EXOC3: variants seen among roughly 807,000 people sequenced by gnomAD.
The protein encoded by EXOC3 is exocyst complex component 3, also known as SEC6-like 1.
Under a neutral mutation model 73.7 loss-of-function variants are expected in EXOC3, and 21 were observed. That is an observed-to-expected ratio of 0.29 (90% CI 0.20 to 0.41). The LOEUF is 0.41. Among genes scored for constraint, EXOC3 ranks in the 10% least tolerant of loss-of-function variants. The pLI, the probability that EXOC3 is intolerant of heterozygous loss-of-function variation, is 1.00. For missense variants in EXOC3, 842 were observed against 985.1 expected (o/e 0.85, Z 1.95); for synonymous variants, 410 against 389.1 (o/e 1.05, Z -0.63).
rs1737380067 is a variant in EXOC3 at position 443,217 on chromosome 5, AGGGGGCGGCGGGGGCGGCGGC to A, written c.-127_-107del. The A allele has an allele frequency of 7.4e-6, 1 of 134,736 alleles. No individual in the cohort carries two copies. Among genetic ancestry groups the A allele is most frequent in the African/African-American group, 2.6e-5 (1 of 38,924 alleles). The allele number at this position is 134,736 out of a possible 1,614,324, so 8.3% of individuals were successfully genotyped here. On this transcript the variant is annotated 5_prime_UTR_variant, in exon 1 of 13. Coordinates refer to ENST00000512944, the MANE Select transcript of EXOC3 (RefSeq NM_007277.5). ...CCGGAGGCGGAGGCAGCGAAGGCGGAGGGGGCGGCGGGGGCGGCGGCGGCGGCGGCGGCGGCGGCGGCGGCG... is the reference window on the plus strand; with the variant it reads ...CCGGAGGCGGAGGCAGCGAAGGCGGAGGCGGCGGCGGCGGCGGCGGCGGCG...
At chr5:455,160 G>A (rs1288032130) in intron 4 of EXOC3, among the ~76,000 whole-genome samples, 1 of 152,178 alleles carries the variant, frequency 6.6e-6, no homozygotes, top group Non-Finnish European at 1.5e-5. Flanking sequence ...CTCCCCCTCC[G>A]TGCCTGGTGT....
In EXOC3 at chr5:464,826, C is replaced by G. The variant is rs1378988054; in HGVS notation, c.1777-285C>G. On this transcript the variant is annotated intron_variant, in intron 10 of 12. Coordinates refer to ENST00000512944, the MANE Select transcript of EXOC3 (RefSeq NM_007277.5). ...CAAAGGACAGCAGCAGCCACTGACA[C>G]GGGCCTGTCTGTGGACCGAGTGCTC... 6 of 509,166 alleles carry G rather than the reference C, an allele frequency of 1.2e-5. No homozygotes were observed. The Admixed American group carries it at 1.5e-4, about 12-fold the overall frequency. The allele number at this position is 509,166 out of a possible 1,614,324, so 31.5% of individuals were successfully genotyped here.
At chr5:456,430 GT>G (rs1737816127) in intron 4 of EXOC3, among the ~76,000 whole-genome samples, 1 of 152,176 alleles carries the variant, frequency 6.6e-6, no homozygotes, top group African/African-American at 2.4e-5. Flanking sequence ...GACTGAGTAC[GT>G]TTGTTTATTC....
chr5:465,632 T>C (rs1738124341), intron 11 of EXOC3, 86 bp from the exon 12 acceptor site: 2 of 1,544,838 alleles, frequency 1.3e-6, no homozygotes, highest in Admixed American at 3.5e-5. Flanking sequence ...AGGTTCCCAG[T>C]CAGGAAGGGG....
At chr5:463,572 T>A (rs1222986275) in intron 9 of EXOC3, among the ~76,000 whole-genome samples, 1 of 152,216 alleles carries the variant, frequency 6.6e-6, no homozygotes, top group Non-Finnish European at 1.5e-5. Context: ...TGGGTTGGGT[T>A]TTTGAGGGCA....
chr5:446,313 A>G lies in EXOC3; in HGVS notation c.108A>G (p.Glu36=). The change falls in exon 2 of 13, where the codon GAA becomes GAG. Residue 36 remains glutamate, a synonymous_variant. Coordinates refer to ENST00000512944, the MANE Select transcript of EXOC3 (RefSeq NM_007277.5). ...LDKVEQYRRR[E]ARKKASVEAR... ...AGGTGGAGCAGTATCGCAGGAGAGAAGCGCGGAAGAAGGCCTCCGTGGAGG... is the reference window on the plus strand; with the variant it reads ...AGGTGGAGCAGTATCGCAGGAGAGAGGCGCGGAAGAAGGCCTCCGTGGAGG... 6.2e-7 allele frequency: 1 copy of G among 1,610,902 alleles called. No individual in the cohort carries two copies. Among genetic ancestry groups the G allele is most frequent in the Non-Finnish European group, 8.5e-7 (1 of 1,177,928 alleles).
At chr5:446,804 C>T (rs1269218741) in intron 2 of EXOC3, among the ~76,000 whole-genome samples, 1 of 151,926 alleles carries the variant, frequency 6.6e-6, no homozygotes, top group African/African-American at 2.4e-5. Flanking sequence ...TTGCGGTGAG[C>T]CGAGATGGTG....
At position 466,909 on chromosome 5, in the gene EXOC3, C is replaced by T. The variant is rs1370988535; in HGVS notation, c.*11C>T. ...AAGCTGCTCAAGTAGCCTCCGCCGG[C>T]CTGCCCTGCTCGCCCCTCCACAGCC... On this transcript the variant is annotated 3_prime_UTR_variant, in exon 13 of 13. Coordinates refer to ENST00000512944, the MANE Select transcript of EXOC3 (RefSeq NM_007277.5). The T allele has an allele frequency of 5.0e-6, 8 of 1,588,378 alleles. No homozygotes were observed. The Admixed American group carries it at 1.2e-4, about 25-fold the overall frequency.
Position 458,009 on chromosome 5 carries a change from C to T in EXOC3, c.1274C>T (p.Pro425Leu). Residue 425 changes from proline to leucine, a missense_variant, in exon 6 of 13, where the codon CCT (proline) becomes CTT (leucine). Coordinates refer to ENST00000512944, the MANE Select transcript of EXOC3 (RefSeq NM_007277.5). ...GACGGGTACTACCAGACCACACTCC[C>T]TGCCATTGTCTTCCAGGTACCACCT... ...DQDGYYQTTL[P>L]AIVFQMFEQN... The T allele has an allele frequency of 6.2e-7, 1 of 1,612,558 alleles. No individual in the cohort carries two copies. Among genetic ancestry groups the T allele is most frequent in the South Asian group, 1.1e-5 (1 of 90,698 alleles).
chr5:447,459 G>C (rs1488799476), intron 2 of EXOC3, 74 bp from the exon 3 acceptor site: 1 of 1,108,120 alleles, frequency 9.0e-7, no homozygotes, highest in Admixed American at 2.8e-5. Context: ...GACCCTCCTG[G>C]GGAAGATTTG....
At chr5:465,077 T>TG (rs1046108101) in intron 10 of EXOC3, 34 bp from the exon 11 acceptor site, 1 of 1,518,212 alleles carries the variant, frequency 6.6e-7, no homozygotes, top group Admixed American at 2.1e-5. Context: ...GCCAGAGCCG[T>TG]GGAGCCTGCC....
At chr5:455,184 A>AT (rs1310464463) in intron 4 of EXOC3, among the ~76,000 whole-genome samples, 1 of 152,210 alleles carries the variant, frequency 6.6e-6, no homozygotes, top group Non-Finnish European at 1.5e-5. Context: ...TCAGCAGCCC[A>AT]TGAGGCAGGA....
chr5:459,201 A>G (rs1412316162), intron 6 of EXOC3, among the ~76,000 whole-genome samples, 158 bp from the exon 7 acceptor site: 4 of 145,430 alleles, frequency 2.8e-5, no homozygotes, highest in Admixed American at 1.4e-4. Flanking sequence ...TTTTAAACTA[A>G]CTTTGTTATT....
At position 457,965 on chromosome 5, in the gene EXOC3, A is replaced by G; in HGVS notation, c.1230A>G (p.Thr410=). The change falls in exon 6 of 13, where the codon ACA becomes ACG. Residue 410 remains threonine (T), a synonymous_variant. Coordinates refer to ENST00000512944, the MANE Select transcript of EXOC3 (RefSeq NM_007277.5). The part of the protein sequence containing the change: ...ETDKKDWVKE[T]EPEADQDGYY... Reference sequence around the variant, plus strand: ...ACAAGAAAGACTGGGTCAAAGAGACAGAGCCAGAAGCCGACCAGGACGGGT... The same window carrying G: ...ACAAGAAAGACTGGGTCAAAGAGACGGAGCCAGAAGCCGACCAGGACGGGT... 1 of 1,612,642 alleles carries G rather than the reference A, an allele frequency of 6.2e-7. No individual in the cohort carries two copies.
At position 465,122 on chromosome 5, in the gene EXOC3, C is replaced by T. The variant is rs370403492; in HGVS notation, c.1788C>T (p.Ala596=). The T allele has an allele frequency of 1.8e-4, 289 of 1,582,876 alleles. 2 individuals carry two copies. Among genetic ancestry groups the T allele is most frequent in the Middle Eastern group, 9.6e-4 (5 of 5,194 alleles). The change falls in exon 11 of 13, where the codon GCC becomes GCT. Residue 596 remains alanine (A), a synonymous_variant. Coordinates refer to ENST00000512944, the MANE Select transcript of EXOC3 (RefSeq NM_007277.5). ...GCGTGTCTCCCCAGAGGATGACGGC[C>T]GAGGCGCACCGGCGCGTGGTGGTGG... ...IKKPYKKRMT[A]EAHRRVVVEY...
At chr5:449,938 C>T (rs1737607215) in intron 3 of EXOC3, among the ~76,000 whole-genome samples, 1 of 152,214 alleles carries the variant, frequency 6.6e-6, no homozygotes, top group Non-Finnish European at 1.5e-5. Context: ...TCATTCTTCT[C>T]TTAGGTTTTT....
rs773371140 is a variant in EXOC3, at chr5:447,564, G to A, written c.176G>A (p.Arg59His). Reference protein sequence around the residue: ...AAIQSQLDGVRTGLSQLHNAL... With the variant: ...AAIQSQLDGVHTGLSQLHNAL... The stretch of plus-strand genomic sequence containing the variant: ...ATCCAGTCACAGTTGGACGGGGTGC[G>A]CACAGGCCTCAGCCAGCTCCACAAC... Residue 59 changes from arginine (R) to histidine (H), a missense_variant, in exon 3 of 13, where the codon CGC becomes CAC. Physicochemically the swap from Arg to His is conservative, Grantham distance 29 (BLOSUM62 0). Transcript: ENST00000512944. The A allele has an allele frequency of 1.4e-5, 22 of 1,585,714 alleles. No individual in the cohort carries two copies. Among genetic ancestry groups the A allele is most frequent in the Non-Finnish European group, 1.5e-5 (17 of 1,166,016 alleles).
At chr5:465,075 C>T (rs1738100404) in intron 10 of EXOC3, 36 bp from the exon 11 acceptor site, 1 of 1,515,792 alleles carries the variant, frequency 6.6e-7, no homozygotes, top group South Asian at 1.2e-5. Flanking sequence ...CCGCCAGAGC[C>T]GTGGAGCCTG....
At chr5:455,120 C>T (rs554496934) in intron 4 of EXOC3, among the ~76,000 whole-genome samples, 5 of 152,150 alleles carry the variant, frequency 3.3e-5, no homozygotes, top group African/African-American at 4.8e-5. Context: ...TCCTCATGGC[C>T]GCCCATTCTG....
Sources: allele counts gnomAD v4.1 joint callset (sites outside exome capture counted in the v4.1 genomes callset), GRCh38; gene constraint gnomAD v4.1.1; transcripts MANE v1.5; gene names NCBI Gene and HGNC (gene_info 2026-07-23, HGNC 2026-07-21).